The following RORA variants were observed in gnomAD, a reference collection of about 807,000 sequenced individuals.
RORA encodes RAR related orphan receptor A, also known as nuclear receptor ROR-alpha.
Under a neutral mutation model 69.5 loss-of-function variants are expected in RORA, and 7 were observed. The ratio of observed to expected loss-of-function variants is 0.10; its 90% confidence interval spans 0.06 to 0.19. The LOEUF is 0.19. Ranked by LOEUF, RORA falls within the 10% of genes least tolerant of loss-of-function variation. The pLI, the probability that RORA is intolerant of heterozygous loss-of-function variation, is 1.00. For missense variants in RORA, 457 were observed against 663.0 expected, an observed-to-expected ratio of 0.69 and a Z score of 3.41; for synonymous variants, 261 against 240.8, an observed-to-expected ratio of 1.08 and a Z score of -0.78.
At chr15:61,186,768 T>C (rs1192359447) in intron 1 of RORA, among the ~76,000 whole-genome samples, 2 of 152,024 alleles carry the variant, frequency 1.3e-5, no homozygotes, top group African/African-American at 4.8e-5. Context: ...CAGTTAACTG[T>C]GCTGCTCCTC....
intron 1 of RORA, among the ~76,000 whole-genome samples, chr15:60,780,091 G>A (rs189891477): frequency 2.6e-5 from 4 of 152,286 alleles, no homozygotes; most frequent in Admixed American, 2.6e-4. Context: ...GGGAGGAGGA[G>A]TTTTAGCTGA....
At chr15:60,610,921 G>A (rs947807482) in intron 2 of RORA, among the ~76,000 whole-genome samples, 2 of 152,118 alleles carry the variant, frequency 1.3e-5, no homozygotes, top group Admixed American at 6.6e-5. Context: ...GATCATTGTC[G>A]ATAACTCCTC....
chr15:60,656,827 C>T (rs138357627), intron 2 of RORA, among the ~76,000 whole-genome samples: 62 of 152,294 alleles, frequency 4.1e-4, no homozygotes, highest in South Asian at 2.1e-4. Context: ...GAGGCCAAGG[C>T]CTCTTTCCTC....
chr15:60,757,841 C>G (rs942421784), intron 1 of RORA, among the ~76,000 whole-genome samples: 3 of 152,138 alleles, frequency 2.0e-5, no homozygotes, highest in Non-Finnish European at 4.4e-5. Flanking sequence ...AACCTCTTCC[C>G]TCCTTCCTTT....
At chr15:60,797,680 G>A (rs1429661884) in intron 1 of RORA, among the ~76,000 whole-genome samples, 2 of 152,038 alleles carry the variant, frequency 1.3e-5, no homozygotes, top group East Asian at 1.9e-4. Flanking sequence ...CAAGGACACC[G>A]GTGTCATTTA....
intron 2 of RORA, among the ~76,000 whole-genome samples, chr15:60,591,550 AG>A (rs2068511931): frequency 6.6e-6 from 1 of 150,990 alleles, no homozygotes. Flanking sequence ...AGTCCTGATG[AG>A]GGCGGAAGGC....
intron 1 of RORA, among the ~76,000 whole-genome samples, chr15:60,899,645 A>AC (rs1381764614): frequency 6.6e-6 from 1 of 152,160 alleles, no homozygotes; most frequent in Admixed American, 6.5e-5. Context: ...CCAGGTAAGG[A>AC]CGTCAGCAAA....
chr15:61,159,051 C>T (rs2079471151), intron 1 of RORA, among the ~76,000 whole-genome samples: 1 of 152,106 alleles, frequency 6.6e-6, no homozygotes, highest in African/African-American at 2.4e-5. Flanking sequence ...TATAAATATA[C>T]AGCTAGACAT....
intron 1 of RORA, among the ~76,000 whole-genome samples, chr15:61,013,876 C>T (rs565637551): frequency 5.4e-5 from 8 of 149,408 alleles, no homozygotes; most frequent in African/African-American, 7.4e-5. Flanking sequence ...CTCTGCCTCC[C>T]GGGTTCACGC....
intron 1 of RORA, among the ~76,000 whole-genome samples, chr15:60,876,927 G>A (rs78616301): frequency 0.012 from 1,782 of 152,230 alleles, 23 homozygotes; most frequent in Non-Finnish European, 0.019. Context: ...CACGTAGACG[G>A]GAACAACACA....
intron 1 of RORA, among the ~76,000 whole-genome samples, chr15:60,833,923 A>G (rs758185859): frequency 2.0e-5 from 3 of 152,166 alleles, no homozygotes; most frequent in Non-Finnish European, 1.5e-5. Flanking sequence ...CCTTTGCACC[A>G]TGAGGTTGTG....
At chr15:60,623,062 T>C (rs540521407) in intron 2 of RORA, among the ~76,000 whole-genome samples, 1 of 152,220 alleles carries the variant, frequency 6.6e-6, no homozygotes, top group Non-Finnish European at 1.5e-5. Context: ...AGTGAGACCC[T>C]GGAAACCCTG....
chr15:61,184,982 C>A (rs1280951094), intron 1 of RORA, among the ~76,000 whole-genome samples: 2 of 30,392 alleles, frequency 6.6e-5, no homozygotes, highest in Non-Finnish European at 9.1e-5. Context: ...GAGACCCTGT[C>A]TCTCAAAAAA....
At chr15:61,069,313 C>G (rs971177068) in intron 1 of RORA, among the ~76,000 whole-genome samples, 2 of 152,084 alleles carry the variant, frequency 1.3e-5, no homozygotes, top group African/African-American at 4.8e-5. Flanking sequence ...TCTTTAAAAA[C>G]GATGACAGTG....
intron 2 of RORA, among the ~76,000 whole-genome samples, chr15:60,564,432 C>A (rs1008210597): frequency 1.3e-5 from 2 of 152,058 alleles, no homozygotes; most frequent in African/African-American, 4.8e-5. Flanking sequence ...CTTTTGGAAC[C>A]ATTTTTTACT....
At chr15:60,783,422 T>C (rs117204760) in intron 1 of RORA, among the ~76,000 whole-genome samples, 3,177 of 152,328 alleles carry the variant, frequency 0.021, 45 homozygotes, top group Non-Finnish European at 0.032. Context: ...TGTTTTGCAA[T>C]ATGTAAACAT....
chr15:60,558,342 A>G (rs1477865473), intron 2 of RORA: 1 of 1,415,440 alleles, frequency 7.1e-7, no homozygotes, highest in Non-Finnish European at 1.0e-6. Context: ...CAAAAAAGCT[A>G]CTAATGGGCA....
intron 2 of RORA, among the ~76,000 whole-genome samples, chr15:60,629,289 C>T (rs770024194): frequency 9.1e-5 from 13 of 142,376 alleles, no homozygotes; most frequent in Non-Finnish European, 1.2e-4. Context: ...TGGGTTCAAG[C>T]GATTCTCCTG....
intron 2 of RORA, among the ~76,000 whole-genome samples, chr15:60,654,116 C>G (rs932905572): frequency 6.6e-6 from 1 of 152,122 alleles, no homozygotes; most frequent in Admixed American, 6.6e-5. Flanking sequence ...TGAATAAAGA[C>G]TTGTTGACCA....
Sources: gnomAD v4.1 joint callset for allele counts (sites outside exome capture counted in the v4.1 genomes callset) on GRCh38, gnomAD v4.1.1 for gene constraint, MANE v1.5 for transcripts, NCBI Gene and HGNC (gene_info 2026-07-23, HGNC 2026-07-21) for gene names.